The following ANKRD17 variants were observed in gnomAD, a reference collection of about 807,000 sequenced individuals.
The protein encoded by ANKRD17 is ankyrin repeat domain-containing protein 17.
ANKRD17 carries 19 observed loss-of-function variants against 229.7 expected under a neutral mutation model. The ratio of observed to expected loss-of-function variants is 0.08; its 90% confidence interval spans 0.06 to 0.12. The LOEUF is 0.12. Among genes scored for constraint, ANKRD17 ranks in the 10% least tolerant of loss-of-function variants. The pLI is 1.00. For synonymous variants in ANKRD17, 1,112 were observed against 1,146.1 expected (o/e 0.97, Z 0.60); for missense variants, 2,176 against 3,176.8 (o/e 0.68, Z 7.57).
chr4:73,081,483 G>A (rs1721559152), intron 30 of ANKRD17, among the ~76,000 whole-genome samples: 1 of 151,994 alleles, frequency 6.6e-6, no homozygotes, highest in African/African-American at 2.4e-5. Context: ...TCCTTTTCAT[G>A]AAAAGAACCT....
intron 30 of ANKRD17, among the ~76,000 whole-genome samples, chr4:73,084,259 T>C (rs1231675332): frequency 6.6e-6 from 1 of 152,050 alleles, no homozygotes; most frequent in Non-Finnish European, 1.5e-5. Context: ...ATGCCTGTAG[T>C]CCCATTTATT....
intron 1 of ANKRD17, among the ~76,000 whole-genome samples, chr4:73,244,321 T>C (rs1744298818): frequency 6.6e-6 from 1 of 152,156 alleles, no homozygotes. Flanking sequence ...GACATGATGC[T>C]AGTGAGCCAC....
intron 1 of ANKRD17, among the ~76,000 whole-genome samples, chr4:73,257,672 G>A (rs985201137): frequency 1.3e-5 from 2 of 152,148 alleles, no homozygotes; most frequent in African/African-American, 4.8e-5. Context: ...CTGGGAGATC[G>A]AGGAAATGAA....
At chr4:73,084,032 A>C (rs1721847453) in intron 30 of ANKRD17, among the ~76,000 whole-genome samples, 1 of 152,116 alleles carries the variant, frequency 6.6e-6, no homozygotes, top group Non-Finnish European at 1.5e-5. Context: ...AACATATCCA[A>C]CCTTACTACA....
At chr4:73,176,518 T>C (rs1427490631) in intron 2 of ANKRD17, among the ~76,000 whole-genome samples, 1 of 151,890 alleles carries the variant, frequency 6.6e-6, no homozygotes, top group Non-Finnish European at 1.5e-5. Flanking sequence ...ATTAGAGCAC[T>C]ATTCACAATA....
At chr4:73,096,265 C>T (rs979865020) in intron 27 of ANKRD17, among the ~76,000 whole-genome samples, 3 of 152,198 alleles carry the variant, frequency 2.0e-5, no homozygotes, top group Non-Finnish European at 2.9e-5. Context: ...GTATTAAATG[C>T]ATATACAAAA....
chr4:73,094,609 T>C (rs1723099691), intron 27 of ANKRD17, among the ~76,000 whole-genome samples: 1 of 151,596 alleles, frequency 6.6e-6, no homozygotes, highest in African/African-American at 2.4e-5. Context: ...AACACCACCA[T>C]GTCATGAGTG....
chr4:73,112,909 T>A (rs1243495607), intron 24 of ANKRD17: 1 of 290,762 alleles, frequency 3.4e-6, no homozygotes, highest in African/African-American at 2.3e-5. Flanking sequence ...TGCCTCAGCC[T>A]CCAGAGTAAA....
At chr4:73,147,516 G>A (rs1730442703) in intron 8 of ANKRD17, 84 bp from the exon 9 acceptor site, 13 of 1,133,634 alleles carry the variant, frequency 1.1e-5, no homozygotes, top group Admixed American at 1.0e-4. Context: ...TTAATAAACT[G>A]AATCTTTAAA....
chr4:73,242,277 T>C (rs1427935864), intron 1 of ANKRD17, among the ~76,000 whole-genome samples: 2 of 152,118 alleles, frequency 1.3e-5, no homozygotes, highest in African/African-American at 2.4e-5. Flanking sequence ...TTAGTGGCCA[T>C]ATACAAGATT....
chr4:73,138,362 C>G (rs1211458197), intron 15 of ANKRD17, among the ~76,000 whole-genome samples: 1 of 152,054 alleles, frequency 6.6e-6, no homozygotes, highest in African/African-American at 2.4e-5. Context: ...GTTATAACTA[C>G]TGAGGTGCTA....
In ANKRD17 at chr4:73,073,890, C is replaced by T. The variant is rs1240162696; in HGVS notation, c.*2341G>A. 1.3e-5 allele frequency: 2 copies of T among 151,972 alleles called. No homozygotes were observed. Among genetic ancestry groups the T allele is most frequent in the Non-Finnish European group, 2.9e-5 (2 of 67,882 alleles). 9.4% of individuals were successfully genotyped at this position (151,972 alleles called of 1,614,324 possible). The stretch of plus-strand genomic sequence containing the variant: ...CAAGTGTAATGTCCAAGAGTTAAAT[C>T]ATTTCTTAAAACAATGATGTAGTCT... On this transcript the variant is annotated 3_prime_UTR_variant, in exon 34 of 34. Coordinates refer to ENST00000358602, the MANE Select transcript of ANKRD17 (RefSeq NM_032217.5).
intron 6 of ANKRD17, among the ~76,000 whole-genome samples, chr4:73,153,180 G>A (rs962108623): frequency 2.6e-5 from 4 of 152,080 alleles, no homozygotes; most frequent in African/African-American, 9.7e-5. Context: ...ACTAGGTTTT[G>A]CAAAAGCTTT....
chr4:73,085,041 C>T (rs1250284643), intron 30 of ANKRD17, among the ~76,000 whole-genome samples: 1 of 152,006 alleles, frequency 6.6e-6, no homozygotes, highest in African/African-American at 2.4e-5. Context: ...TAATAAAAAT[C>T]CCTCTTAGAA....
chr4:73,102,595 GAGA>G (rs747873260), intron 24 of ANKRD17, 48 bp from the exon 25 acceptor site: 5 of 1,567,294 alleles, frequency 3.2e-6, no homozygotes, highest in Admixed American at 4.4e-5. Flanking sequence ...ATTTACCCTG[GAGA>G]AGAAGTTGTC....
chr4:73,078,035 A>G (rs1256953781), intron 31 of ANKRD17, among the ~76,000 whole-genome samples: 1 of 151,898 alleles, frequency 6.6e-6, no homozygotes, highest in Non-Finnish European at 1.5e-5. Context: ...GAGTCACTTG[A>G]AGTCAGGAGT....
intron 22 of ANKRD17, among the ~76,000 whole-genome samples, chr4:73,117,644 A>G (rs1726135309): frequency 6.6e-6 from 1 of 152,200 alleles, no homozygotes; most frequent in African/African-American, 2.4e-5. Context: ...ATAAGAGAAA[A>G]AGGAAGAAAT....
rs772938853 is a variant in ANKRD17 at position 73,148,931 on chromosome 4, C to T, written c.1449G>A (p.Ala483=). Residue 483 remains alanine (A), a synonymous_variant, in exon 8 of 34, where the codon GCG becomes GCA. Transcript: ENST00000358602. The stretch of plus-strand genomic sequence containing the variant: ...TAGCTCCTCTTTCAATAAGTAAAGC[C>T]GCAAGTTCCACATGCCCACCACATG... ...LAACGGHVEL[A]ALLIERGASL... is the part of the protein sequence containing the mutation. 1.7e-5 allele frequency: 28 copies of T among 1,613,484 alleles called. No homozygotes were observed. The highest frequency in any genetic ancestry group is 1.2e-4 in the Admixed American group (7 of 59,838).
intron 1 of ANKRD17, among the ~76,000 whole-genome samples, chr4:73,243,324 G>C (rs1009005934): frequency 5.9e-5 from 9 of 152,150 alleles, no homozygotes; most frequent in African/African-American, 2.2e-4. Flanking sequence ...TGGGGATTCA[G>C]GAGAAAAAGC....
Sources: gnomAD v4.1 joint callset for allele counts (sites outside exome capture counted in the v4.1 genomes callset) on GRCh38, gnomAD v4.1.1 for gene constraint, MANE v1.5 for transcripts, NCBI Gene and HGNC (gene_info 2026-07-23, HGNC 2026-07-21) for gene names.